The following GRAMD2A variants were observed in gnomAD, a reference collection of about 807,000 sequenced individuals.
The protein encoded by GRAMD2A is GRAM domain containing 2A.
Under a neutral mutation model 51.1 loss-of-function variants are expected in GRAMD2A, and 37 were observed. The ratio of observed to expected loss-of-function variants is 0.72; its 90% CI spans 0.56 to 0.95. The LOEUF (loss-of-function observed/expected upper bound fraction) is 0.95. GRAMD2A is among the 40% of genes least tolerant of loss of function. GRAMD2A has a pLI of 0.00. For missense variants in GRAMD2A, 414 were observed against 426.9 expected (o/e 0.97, Z 0.27); for synonymous variants, 136 against 157.1 (o/e 0.87, Z 1.01).
At chr15:72,169,357 C>T in intron 2 of GRAMD2A, 1 of 456,200 alleles carries the variant, frequency 2.2e-6, no homozygotes, top group Admixed American at 2.9e-5. Flanking sequence ...AGCAGGGGAG[C>T]AGGCAGTGCT....
rs945532534 is a variant in GRAMD2A, at chr15:72,195,876, C to T, written c.41+1855G>A. Among the ~76,000 whole-genome samples, 5 of 152,024 alleles carry T rather than the reference C, an allele frequency of 3.3e-5. 1 individual carries two copies. In the South Asian group the frequency reaches 8.3e-4, roughly 25 times the overall value. On this transcript the variant is annotated intron_variant, in intron 1 of 11. Coordinates refer to ENST00000309731, the MANE Select transcript of GRAMD2A (RefSeq NM_001012642.3). ...CGGAGACTGCAGTGAGCCGAGATCA[C>T]GCCATTGCACTCCAGCCTGGGTAAC...
At chr15:72,189,839 G>A (rs1319368951) in intron 1 of GRAMD2A, among the ~76,000 whole-genome samples, 1 of 152,210 alleles carries the variant, frequency 6.6e-6, no homozygotes, top group Non-Finnish European at 1.5e-5. Flanking sequence ...TTGAACCCAG[G>A]TCTGTCTGAA....
intron 1 of GRAMD2A, among the ~76,000 whole-genome samples, chr15:72,178,449 G>T (rs2140554053): frequency 6.6e-6 from 1 of 152,186 alleles, no homozygotes; most frequent in East Asian, 1.9e-4. Context: ...TTTCCTGATG[G>T]CAAACTAGGA....
In GRAMD2A at chr15:72,162,944, A is replaced by G. The variant is rs1877368572; in HGVS notation, c.956+322T>C. ...CCTAGTGGTGGGCAGTGGCGAGGCC[A>G]AGCTTTTCCTCTCTCTCTCCAATTT... On this transcript the variant is annotated intron_variant, in intron 10 of 11. Transcript: ENST00000309731. 5.0e-5 allele frequency: 15 copies of G among 302,292 alleles called. No individual in the cohort carries two copies. In the South Asian group the frequency reaches 7.4e-4, roughly 15 times the overall value. The allele number at this position is 302,292 out of a possible 1,614,324, so 18.7% of individuals were successfully genotyped here.
chr15:72,161,844 A>G lies in GRAMD2A; in HGVS notation c.*165T>C. On this transcript the variant is annotated 3_prime_UTR_variant, in exon 12 of 12. Coordinates refer to ENST00000309731, the MANE Select transcript of GRAMD2A (RefSeq NM_001012642.3). ...TGTAAACACGTACTTCAGATCTCTC[A>G]TAGAGGGAAGAGAAGAGCTGCGGGG... 6.8e-6 allele frequency: 5 copies of G among 736,230 alleles called. No homozygotes were observed. The highest frequency in any genetic ancestry group is 6.5e-5 in the South Asian group (4 of 61,598). 45.6% of individuals were successfully genotyped at this position (736,230 alleles called of 1,614,324 possible).
rs557673041 is a variant in GRAMD2A at position 72,194,625 on chromosome 15, C to A, written c.41+3106G>T. Among the ~76,000 whole-genome samples the A allele has an allele frequency of 2.0e-5, 3 of 152,154 alleles. No homozygotes were observed. The South Asian group carries it at 6.2e-4, about 32-fold the overall frequency. On this transcript the variant is annotated intron_variant, in intron 1 of 11. Coordinates refer to ENST00000309731, the MANE Select transcript of GRAMD2A (RefSeq NM_001012642.3). Reference sequence around the variant, plus strand: ...AAAACTTAGGAAATACCTATGATGACGCTTTAGCTGGAAGTAATGGAGATA... The same window carrying A: ...AAAACTTAGGAAATACCTATGATGAAGCTTTAGCTGGAAGTAATGGAGATA...
intron 1 of GRAMD2A, among the ~76,000 whole-genome samples, chr15:72,186,993 T>TAA (rs2081738707): frequency 8.9e-6 from 1 of 112,524 alleles, no homozygotes. Flanking sequence ...CTAATAAAAA[T>TAA]ACAAAAAAAA....
intron 1 of GRAMD2A, among the ~76,000 whole-genome samples, chr15:72,185,048 G>A (rs2081725192): frequency 6.6e-6 from 1 of 152,038 alleles, no homozygotes. Context: ...AAATGGTATT[G>A]GGGCAATTGG....
At position 72,170,389 on chromosome 15, in the gene GRAMD2A, A is replaced by G; in HGVS notation, c.42-450T>C. 1 of 456,524 alleles carries G rather than the reference A, an allele frequency of 2.2e-6. No homozygotes were observed. The highest frequency in any genetic ancestry group is 4.4e-6 in the Non-Finnish European group (1 of 227,134). The allele number at this position is 456,524 out of a possible 1,614,324, so 28.3% of individuals were successfully genotyped here. A position where few individuals can be genotyped will look rare whatever the true frequency, so the allele number is the denominator to read the frequency against. The stretch of plus-strand genomic sequence containing the variant: ...GGTTCCGGGAAAGTAGGCTGAGCAC[A>G]GGAGGCCTTATCAAAGCTCAGGAGC... On this transcript the variant is annotated intron_variant, in intron 1 of 11. Transcript: ENST00000309731. This position sits in a 1 kb window ranked among gnomAD's most constrained non-coding sequence, Gnocchi z 4.5.
chr15:72,192,588 G>C (rs1371652615), intron 1 of GRAMD2A, among the ~76,000 whole-genome samples: 4 of 152,192 alleles, frequency 2.6e-5, no homozygotes, highest in Admixed American at 2.6e-4. Flanking sequence ...CCACGCTGCT[G>C]TGCGGTGGGT....
chr15:72,188,072 C>T (rs2081745602), intron 1 of GRAMD2A, among the ~76,000 whole-genome samples: 1 of 152,198 alleles, frequency 6.6e-6, no homozygotes, highest in African/African-American at 2.4e-5. Context: ...GGCGTGGTGG[C>T]TCATGGCTGT....
chr15:72,168,039 C>T (rs1361693257), intron 4 of GRAMD2A, among the ~76,000 whole-genome samples, 200 bp from the exon 5 acceptor site: 4 of 152,200 alleles, frequency 2.6e-5, no homozygotes, highest in Non-Finnish European at 5.9e-5. Context: ...TGCTCCTCCA[C>T]TCCACCAGCC....
In GRAMD2A at chr15:72,170,382, T is replaced by C; in HGVS notation, c.42-443A>G. 1 of 456,592 alleles carries C rather than the reference T, an allele frequency of 2.2e-6. No individual in the cohort carries two copies. The highest frequency in any genetic ancestry group is 4.4e-6 in the Non-Finnish European group (1 of 227,196). The allele number at this position is 456,592 out of a possible 1,614,324, so 28.3% of individuals were successfully genotyped here. ...ACCATCAGGTTCCGGGAAAGTAGGC[T>C]GAGCACAGGAGGCCTTATCAAAGCT... On this transcript the variant is annotated intron_variant, in intron 1 of 11. Transcript: ENST00000309731. This position sits in a 1 kb window ranked among gnomAD's most constrained non-coding sequence, Gnocchi z 4.5.
chr15:72,192,159 G>C (rs2081772391), intron 1 of GRAMD2A, among the ~76,000 whole-genome samples: 1 of 152,152 alleles, frequency 6.6e-6, no homozygotes, highest in Non-Finnish European at 1.5e-5. Context: ...GAGAAGGGAG[G>C]TATATATGAA....
chr15:72,189,109 TA>T (rs1173096997), intron 1 of GRAMD2A, among the ~76,000 whole-genome samples: 1 of 152,218 alleles, frequency 6.6e-6, no homozygotes, highest in Non-Finnish European at 1.5e-5. Context: ...TATTTTCATT[TA>T]GTAAAAGAAT....
At chr15:72,196,682 C>T (rs1046829221) in intron 1 of GRAMD2A, among the ~76,000 whole-genome samples, 3 of 152,066 alleles carry the variant, frequency 2.0e-5, no homozygotes, top group East Asian at 1.9e-4. Flanking sequence ...CATCAGGTTG[C>T]GAGGGTACCC....
At chr15:72,163,903 A>T in intron 8 of GRAMD2A, 146 bp from the exon 9 acceptor site, 1 of 778,716 alleles carries the variant, frequency 1.3e-6, no homozygotes, top group Non-Finnish European at 2.0e-6. Context: ...ACAAGCGAGG[A>T]GGGCAGTTGC....
intron 1 of GRAMD2A, among the ~76,000 whole-genome samples, chr15:72,195,953 C>T (rs1302972957): frequency 6.6e-6 from 1 of 152,068 alleles, no homozygotes; most frequent in Non-Finnish European, 1.5e-5. Flanking sequence ...AAGCAGCCAG[C>T]AACATCAAGG....
At position 72,166,083 on chromosome 15, in the gene GRAMD2A, G is replaced by A. The variant is rs1479547107; in HGVS notation, c.543+549C>T. 2.6e-5 allele frequency among the ~76,000 whole-genome samples: 4 copies of A among 152,128 alleles called. No homozygotes were observed. Among genetic ancestry groups the A allele is most frequent in the African/African-American group, 7.2e-5 (3 of 41,422 alleles). ...AGGGTTTCACTACGTTGGCCAGGCT[G>A]GTCTCGAACTCTTGACCTCAGGTGA... is the stretch of plus-strand genomic sequence containing the variant. On this transcript the variant is annotated intron_variant, in intron 7 of 11. Transcript: ENST00000309731. The surrounding 1 kb of genome is among the most constrained non-coding windows in gnomAD (Gnocchi z 4.1).
Sources: allele counts gnomAD v4.1 joint callset (sites outside exome capture counted in the v4.1 genomes callset), GRCh38; gene constraint gnomAD v4.1.1; non-coding constraint Gnocchi (gnomAD v3.1); transcripts MANE v1.5; gene names NCBI Gene and HGNC (gene_info 2026-07-23, HGNC 2026-07-21).